Variants in KCNN2 observed in about 807,000 individuals in gnomAD.
KCNN2 encodes potassium calcium-activated channel subfamily N member 2.
In KCNN2, 24 loss-of-function variants were observed where a neutral mutation model predicts 55.5. The ratio of observed to expected loss-of-function variants is 0.43; its 90% CI spans 0.31 to 0.61. The LOEUF (loss-of-function observed/expected upper bound fraction) is 0.61, where lower values mean the gene tolerates loss of function less well. Ranked by LOEUF, KCNN2 falls within the 20% of genes least tolerant of loss-of-function variation. KCNN2 has a pLI of 0.08. For missense variants in KCNN2, 754 were observed against 853.6 expected (o/e 0.88, Z 1.45); for synonymous variants, 431 against 336.1 (o/e 1.28, Z -3.09).
At chr5:114,148,023 C>T (rs13181916) in intron 1 of KCNN2, among the ~76,000 whole-genome samples, 63,642 of 151,986 alleles carry the variant, frequency 0.42, 14,468 homozygotes, top group Middle Eastern at 0.55. Context: ...AAAAATCTGT[C>T]GAATAGATTG....
chr5:114,254,077 T>G (rs960406148), intron 2 of KCNN2, among the ~76,000 whole-genome samples: 15 of 152,210 alleles, frequency 9.9e-5, no homozygotes, highest in Admixed American at 8.5e-4. Flanking sequence ...ATAGGCCTTT[T>G]ATTCTGAGAT....
intron 1 of KCNN2, among the ~76,000 whole-genome samples, chr5:114,157,606 G>A (rs1752663913): frequency 6.6e-6 from 1 of 152,152 alleles, no homozygotes; most frequent in African/African-American, 2.4e-5. Context: ...GGTTGAACTA[G>A]TTTACAGTCC....
At chr5:114,339,033 C>G (rs1756972249) in intron 2 of KCNN2, among the ~76,000 whole-genome samples, 1 of 152,246 alleles carries the variant, frequency 6.6e-6, no homozygotes, top group Admixed American at 6.5e-5. Context: ...TGGTGGCAGC[C>G]TTCGCTGTTG....
chr5:114,234,037 T>TC (rs201030228), intron 2 of KCNN2, among the ~76,000 whole-genome samples: 262 of 152,124 alleles, frequency 1.7e-3, no homozygotes, highest in Non-Finnish European at 2.7e-3. Flanking sequence ...TTTTTTTTTT[T>TC]GGTTAGCAAT....
intron 1 of KCNN2, among the ~76,000 whole-genome samples, chr5:114,103,910 G>A (rs916543700): frequency 2.0e-5 from 3 of 152,078 alleles, no homozygotes; most frequent in African/African-American, 7.2e-5. Context: ...TCTTTGCCGG[G>A]TTTTGGTGTC....
At chr5:114,436,286 C>A (rs1760001065) in intron 3 of KCNN2, among the ~76,000 whole-genome samples, 1 of 152,186 alleles carries the variant, frequency 6.6e-6, no homozygotes. Context: ...GGTGTTTAAT[C>A]AGTGTAACAG....
chr5:114,479,440 T>C (rs768588160), intron 5 of KCNN2, among the ~76,000 whole-genome samples: 1 of 152,146 alleles, frequency 6.6e-6, no homozygotes, highest in Non-Finnish European at 1.5e-5. Flanking sequence ...CAAAGAGACA[T>C]TGACTTCCAC....
chr5:114,295,831 T>C (rs6864745), intron 2 of KCNN2, among the ~76,000 whole-genome samples: 39,895 of 152,112 alleles, frequency 0.26, 5,673 homozygotes, highest in African/African-American at 0.38. Flanking sequence ...TGTTCCTATT[T>C]GGCCATCTTG....
intron 1 of KCNN2, among the ~76,000 whole-genome samples, chr5:114,113,680 A>G (rs1311676179): frequency 6.6e-6 from 1 of 152,128 alleles, no homozygotes; most frequent in African/African-American, 2.4e-5. Context: ...AGATTTTTTT[A>G]GCTTCTGGGA....
At chr5:114,117,673 G>T (rs1470451996) in intron 1 of KCNN2, among the ~76,000 whole-genome samples, 3 of 152,172 alleles carry the variant, frequency 2.0e-5, no homozygotes, top group Non-Finnish European at 4.4e-5. Context: ...AGCATTGAGA[G>T]GGAGGTCTTT....
intron 1 of KCNN2, among the ~76,000 whole-genome samples, chr5:114,129,632 C>G (rs1485147782): frequency 6.6e-6 from 1 of 152,136 alleles, no homozygotes; most frequent in Non-Finnish European, 1.5e-5. Context: ...TGACCCAGTC[C>G]TCCGGTATTG....
chr5:114,300,747 A>T (rs893624065), intron 2 of KCNN2, among the ~76,000 whole-genome samples: 3 of 152,232 alleles, frequency 2.0e-5, no homozygotes, highest in African/African-American at 4.8e-5. Context: ...TAAAGAATAA[A>T]TGTTGATTAC....
chr5:114,258,093 G>A (rs1480641158), intron 2 of KCNN2, among the ~76,000 whole-genome samples: 2 of 152,110 alleles, frequency 1.3e-5, no homozygotes, highest in African/African-American at 4.8e-5. Context: ...TGCATCTATT[G>A]AGATGATTGT....
At chr5:114,292,605 T>C (rs1331621084) in intron 2 of KCNN2, among the ~76,000 whole-genome samples, 1 of 152,216 alleles carries the variant, frequency 6.6e-6, no homozygotes, top group Non-Finnish European at 1.5e-5. Context: ...CCTTGTAGTA[T>C]AGTTTGAAGT....
chr5:114,255,096 G>A (rs556279534), intron 2 of KCNN2, among the ~76,000 whole-genome samples: 2 of 152,272 alleles, frequency 1.3e-5, no homozygotes, highest in Admixed American at 1.3e-4. Context: ...AAAGATGACT[G>A]CTTGATGACA....
chr5:114,319,099 C>T (rs950602129), intron 2 of KCNN2, among the ~76,000 whole-genome samples: 2 of 152,064 alleles, frequency 1.3e-5, no homozygotes, highest in African/African-American at 2.4e-5. Flanking sequence ...TACTCATTCC[C>T]ACCCAGAGAC....
chr5:114,495,284 G>A (rs895045917), intron 7 of KCNN2, among the ~76,000 whole-genome samples: 4 of 152,164 alleles, frequency 2.6e-5, no homozygotes, highest in African/African-American at 9.7e-5. Flanking sequence ...TGGGTTATCT[G>A]TAAAAATTCC....
chr5:114,209,837 C>T (rs2112580811), intron 1 of KCNN2, among the ~76,000 whole-genome samples: 1 of 152,274 alleles, frequency 6.6e-6, no homozygotes, highest in South Asian at 2.1e-4. Flanking sequence ...CTCATGTGGA[C>T]TCATTCTCTA....
At chr5:114,413,670 C>A (rs1343642221) in intron 3 of KCNN2, among the ~76,000 whole-genome samples, 3 of 152,090 alleles carry the variant, frequency 2.0e-5, no homozygotes, top group Non-Finnish European at 2.9e-5. Context: ...GCTTTGAGAT[C>A]CTGGTTTAAA....
Sources: gnomAD v4.1 joint callset for allele counts (sites outside exome capture counted in the v4.1 genomes callset) on GRCh38, gnomAD v4.1.1 for gene constraint, MANE v1.5 for transcripts, NCBI Gene and HGNC (gene_info 2026-07-23, HGNC 2026-07-21) for gene names.